Variants in HPS5 observed in about 807,000 individuals in gnomAD.
HPS5 encodes HPS5 biogenesis of lysosomal organelles complex 2 subunit 2.
In HPS5, 83 loss-of-function variants were observed where a neutral mutation model predicts 128.0. The observed-to-expected ratio is 0.65, with a 90% CI of 0.54 to 0.78. The LOEUF (loss-of-function observed/expected upper bound fraction) is 0.78, where lower values mean the gene tolerates loss of function less well. Among genes scored for constraint, HPS5 ranks in the 30% least tolerant of loss-of-function variants. The pLI, the probability that HPS5 is intolerant of heterozygous loss-of-function variation, is 0.00. For missense variants in HPS5, 1,281 were observed against 1,326.2 expected (o/e 0.97, Z 0.53); for synonymous variants, 475 against 470.2 (o/e 1.01, Z -0.13).
At chr11:18,301,193 C>T (rs1057328864) in intron 8 of HPS5, among the ~76,000 whole-genome samples, 10 of 151,988 alleles carry the variant, frequency 6.6e-5, no homozygotes, top group Non-Finnish European at 1.5e-4. Context: ...CAGTGGCTCA[C>T]GCCTGTAGTC....
intron 10 of HPS5, 118 bp from the exon 11 acceptor site, chr11:18,297,835 T>TG: frequency 2.1e-6 from 2 of 966,266 alleles, no homozygotes; most frequent in Non-Finnish European, 3.2e-6. Context: ...ATCCCAGCAC[T>TG]CTGGGAGGCC....
rs1590071187 is a variant in HPS5, at chr11:18,291,592, T to C, written c.2290A>G (p.Thr764Ala). Reference protein sequence around the residue: ...IKSTSGHVDHTLQQYSPEILA... With the variant: ...IKSTSGHVDHALQQYSPEILA... ...ATTTCAGGAGAGTACTGTTGCAAAG[T>C]GTGGTCCACATGTCCACTGGTGCTT... is the stretch of plus-strand genomic sequence containing the variant. The change falls in exon 16 of 23, where the codon ACT (threonine) becomes GCT (alanine). Residue 764 changes from threonine to alanine, a missense_variant. Coordinates refer to ENST00000349215, the MANE Select transcript of HPS5 (RefSeq NM_181507.2). 2.5e-6 allele frequency: 4 copies of C among 1,613,846 alleles called. No homozygotes were observed. The highest frequency in any genetic ancestry group is 1.7e-5 in the Admixed American group (1 of 60,002).
chr11:18,319,290 C>T (rs1864019690), intron 1 of HPS5, among the ~76,000 whole-genome samples: 1 of 125,688 alleles, frequency 8.0e-6, no homozygotes, highest in Non-Finnish European at 1.7e-5. Flanking sequence ...CACACACACA[C>T]ACACATCTTA....
rs1860435594 is a variant in HPS5 at position 18,291,790 on chromosome 11, T to C, written c.2092A>G (p.Asn698Asp). 1.2e-6 allele frequency: 2 copies of C among 1,613,876 alleles called. No homozygotes were observed. Among genetic ancestry groups the C allele is most frequent in the African/African-American group, 2.7e-5 (2 of 74,936 alleles). ...GCTGTTTTATCAACAGATTCTTCAT[T>C]GCCTAAAGAGTCCCTTTTTTCTTTT... The part of the protein sequence containing the change: ...NEKEKRDSLG[N>D]EESVDKTACE... The change falls in exon 16 of 23, where the codon AAT becomes GAT. Residue 698 changes from asparagine (N) to aspartate (D), a missense_variant. By Grantham distance (23) the Asn-to-Asp change is conservative. Coordinates refer to ENST00000349215, the MANE Select transcript of HPS5 (RefSeq NM_181507.2).
chr11:18,291,381 C>G, intron 16 of HPS5, 61 bp downstream of exon 16: 1 of 1,098,042 alleles, frequency 9.1e-7, no homozygotes, highest in Non-Finnish European at 1.4e-6. Flanking sequence ...CCCCAAAATT[C>G]AAAACTGCTA....
intron 19 of HPS5, among the ~76,000 whole-genome samples, chr11:18,286,140 T>TA (rs1859681327): frequency 6.6e-6 from 1 of 152,256 alleles, no homozygotes; most frequent in Non-Finnish European, 1.5e-5. Flanking sequence ...ATCTCATTAC[T>TA]ACCATGACTT....
Position 18,291,550 on chromosome 11 carries a change from G to A in HPS5, c.2332C>T (p.Leu778=). 6.2e-7 allele frequency: 1 copy of A among 1,611,112 alleles called. No individual in the cohort carries two copies. The highest frequency in any genetic ancestry group is 2.2e-5 in the East Asian group (1 of 44,850). ...TTCAGGAGAAAAAAGTACTTCTTCA[G>A]GAACTGGCAAGCCAGAATTTCAGGA... ...YSPEILACQF[L]KKYFFLLNLK... is the part of the protein sequence containing the mutation. The change falls in exon 16 of 23, where the codon CTG becomes TTG. Residue 778 remains leucine (L), a synonymous_variant. Coordinates refer to ENST00000349215, the MANE Select transcript of HPS5 (RefSeq NM_181507.2).
At chr11:18,281,738 C>T (rs1179606011) in intron 22 of HPS5, among the ~76,000 whole-genome samples, 1 of 152,176 alleles carries the variant, frequency 6.6e-6, no homozygotes, top group African/African-American at 2.4e-5. Context: ...ATCAAGGACA[C>T]ATCAGATTAT....
intron 2 of HPS5, among the ~76,000 whole-genome samples, chr11:18,315,369 A>T (rs1295317794): frequency 6.6e-6 from 1 of 152,144 alleles, no homozygotes; most frequent in East Asian, 1.9e-4. Flanking sequence ...TAATCCCAGC[A>T]CTTTGGGAGG....
chr11:18,301,239 T>C (rs1861662115), intron 8 of HPS5, among the ~76,000 whole-genome samples: 1 of 151,966 alleles, frequency 6.6e-6, no homozygotes, highest in African/African-American at 2.4e-5. Flanking sequence ...GTGGATCACT[T>C]GAGGTCAGGA....
rs567246163 is a variant in HPS5, at chr11:18,307,423, G to T, written c.612-1076C>A. On this transcript the variant is annotated intron_variant, in intron 6 of 22. Transcript: ENST00000349215. ...ATACAGAGCTGTACAGGAAGTAGTGGTTTTATTACTTATACTCCTTATTTG... is the reference window on the plus strand; with the variant it reads ...ATACAGAGCTGTACAGGAAGTAGTGTTTTTATTACTTATACTCCTTATTTG... Among the ~76,000 whole-genome samples, 6 of 152,210 alleles carry T rather than the reference G, an allele frequency of 3.9e-5. No individual in the cohort carries two copies. The South Asian group carries it at 1.2e-3, about 32-fold the overall frequency.
chr11:18,288,226 A>G (rs917020051), intron 16 of HPS5, among the ~76,000 whole-genome samples: 7 of 152,232 alleles, frequency 4.6e-5, no homozygotes, highest in African/African-American at 1.7e-4. Flanking sequence ...TTGGGAGGCA[A>G]AGCATATTAA....
intron 3 of HPS5, 150 bp downstream of exon 3, chr11:18,311,764 G>C: frequency 1.4e-6 from 1 of 723,536 alleles, no homozygotes; most frequent in Non-Finnish European, 2.5e-6. Flanking sequence ...ATCCGCCTTG[G>C]CCTCCCAAAA....
At chr11:18,316,193 G>C (rs981514285) in intron 2 of HPS5, among the ~76,000 whole-genome samples, 35 of 152,052 alleles carry the variant, frequency 2.3e-4, no homozygotes, top group Non-Finnish European at 8.8e-5. Flanking sequence ...TGCTCAGGAG[G>C]ATGAGGCAAG....
intron 18 of HPS5, 162 bp from the exon 19 acceptor site, chr11:18,286,872 C>A: frequency 3.7e-6 from 3 of 813,044 alleles, no homozygotes; most frequent in South Asian, 1.8e-5. Flanking sequence ...GGTGACCAAG[C>A]TCCAAGATAA....
At chr11:18,294,970 T>C in intron 14 of HPS5, 50 bp downstream of exon 14, 1 of 1,607,684 alleles carries the variant, frequency 6.2e-7, no homozygotes, top group Non-Finnish European at 8.5e-7. Context: ...TTCTTAAAAC[T>C]GACAGCTGGA....
chr11:18,305,388 T>C (rs113258772), intron 8 of HPS5, 34 bp downstream of exon 8: 25 of 1,374,614 alleles, frequency 1.8e-5, no homozygotes, highest in African/African-American at 7.1e-5. Context: ...AGTATTCTTT[T>C]TCCCCCCCAG....
At chr11:18,304,216 CTTT>C (rs778919142) in intron 8 of HPS5, among the ~76,000 whole-genome samples, 8 of 135,502 alleles carry the variant, frequency 5.9e-5, no homozygotes, top group Admixed American at 7.4e-5. Flanking sequence ...CTATAATTCA[CTTT>C]TTTTTTTTTT....
chr11:18,321,396 GT>G (rs1864315663), intron 1 of HPS5, among the ~76,000 whole-genome samples: 1 of 152,176 alleles, frequency 6.6e-6, no homozygotes. Flanking sequence ...GCAAAGCTGA[GT>G]TTAAATGTTA....
Sources: gnomAD v4.1 joint callset for allele counts (sites outside exome capture counted in the v4.1 genomes callset) on GRCh38, gnomAD v4.1.1 for gene constraint, MANE v1.5 for transcripts, NCBI Gene and HGNC (gene_info 2026-07-23, HGNC 2026-07-21) for gene names.